NEO1: variants seen among roughly 807,000 people sequenced by gnomAD.
The protein encoded by NEO1 is neogenin.
A neutral mutation model predicts 159.7 loss-of-function variants in NEO1; 63 were observed. The observed-to-expected ratio is 0.39, with a 90% CI of 0.32 to 0.49. The LOEUF is 0.49. NEO1 is among the 20% of genes least tolerant of loss of function. The probability of loss-of-function intolerance (pLI) is 0.85; values close to 1 mark genes in which losing one functional copy is unlikely to be tolerated. For missense variants in NEO1, 1,615 were observed against 1,831.0 expected (o/e 0.88, Z 2.15); for synonymous variants, 633 against 662.0 (o/e 0.96, Z 0.67).
intron 23 of NEO1, among the ~76,000 whole-genome samples, chr15:73,285,646 G>C (rs922196078): frequency 2.0e-5 from 3 of 152,250 alleles, no homozygotes; most frequent in African/African-American, 7.2e-5. Context: ...TTAGATGGTA[G>C]CTGTTTACAG....
chr15:73,066,189 C>T (rs2068210324), intron 1 of NEO1, among the ~76,000 whole-genome samples: 2 of 151,032 alleles, frequency 1.3e-5, no homozygotes, highest in South Asian at 4.2e-4. Flanking sequence ...GGCTAATTTT[C>T]TTATTTTTTG....
At chr15:73,068,938 A>G (rs892467198) in intron 1 of NEO1, among the ~76,000 whole-genome samples, 4 of 147,096 alleles carry the variant, frequency 2.7e-5, no homozygotes, top group African/African-American at 1.0e-4. Context: ...CTGATGTAAA[A>G]CCTTTGATAG....
chr15:73,277,640 C>T (rs2041479609), intron 21 of NEO1, among the ~76,000 whole-genome samples: 1 of 152,150 alleles, frequency 6.6e-6, no homozygotes, highest in South Asian at 2.1e-4. Flanking sequence ...TTCAGAAGGA[C>T]AACTTTGTAA....
intron 9 of NEO1, 94 bp downstream of exon 9, chr15:73,244,592 G>T: frequency 7.4e-7 from 1 of 1,348,970 alleles, no homozygotes; most frequent in Non-Finnish European, 1.0e-6. Context: ...GGGAGCAGAA[G>T]ATAACAGTTC....
intron 2 of NEO1, among the ~76,000 whole-genome samples, chr15:73,119,405 A>G (rs1302128119): frequency 1.3e-5 from 2 of 152,208 alleles, no homozygotes; most frequent in East Asian, 1.9e-4. Flanking sequence ...AGAACATTAA[A>G]TAGGTAACTC....
rs372786439 is a variant in NEO1, at chr15:73,259,660, T to C, written c.2204-611T>C. ...TGAGCCACCATACCTGGCCTCAGTT[T>C]ACTAATTTTTAAATTAAGGTAGTAA... On this transcript the variant is annotated intron_variant, in intron 14 of 28. Coordinates refer to ENST00000261908, the MANE Select transcript of NEO1 (RefSeq NM_002499.4). Among the ~76,000 whole-genome samples the C allele has an allele frequency of 3.3e-5, 5 of 152,166 alleles. No homozygotes were observed. The East Asian group carries it at 5.8e-4, about 18-fold the overall frequency.
intron 26 of NEO1, 76 bp downstream of exon 26, chr15:73,293,624 C>A: frequency 6.8e-7 from 1 of 1,466,538 alleles, no homozygotes; most frequent in South Asian, 1.3e-5. Flanking sequence ...AGGACTTGCC[C>A]TACTTAGAAG....
Position 73,117,491 on chromosome 15 carries a change from T to TCCTGAGATACTAGCG in NEO1, c.448+634_448+635insCCTGAGATACTAGCG, listed in dbSNP as rs2071391918. ...AGATACTAGCGTTCCTGAGATAGTG[T>TCCTGAGATACTAGCG]TTCTTTACTTGAGTACCAGATGAAA... On this transcript the variant is annotated intron_variant, in intron 2 of 28. Coordinates refer to ENST00000261908, the MANE Select transcript of NEO1 (RefSeq NM_002499.4). Among the ~76,000 whole-genome samples the TCCTGAGATACTAGCG allele has an allele frequency of 2.6e-5, 4 of 152,340 alleles. No individual in the cohort carries two copies. In the South Asian group the frequency reaches 8.3e-4, roughly 32 times the overall value.
chr15:73,094,322 A>T (rs2069876874), intron 1 of NEO1, among the ~76,000 whole-genome samples: 1 of 152,086 alleles, frequency 6.6e-6, no homozygotes, highest in Non-Finnish European at 1.5e-5. Flanking sequence ...ATAATATGTG[A>T]TCTTTTGTGC....
At chr15:73,256,499 C>CA (rs1281874599) in intron 13 of NEO1, among the ~76,000 whole-genome samples, 1 of 151,902 alleles carries the variant, frequency 6.6e-6, no homozygotes. Flanking sequence ...GACTCTGTCT[C>CA]AAAAAAAGTA....
chr15:73,090,457 A>G (rs552758118), intron 1 of NEO1, among the ~76,000 whole-genome samples: 6 of 152,208 alleles, frequency 3.9e-5, no homozygotes, highest in African/African-American at 7.2e-5. Context: ...GATTCATACT[A>G]ATTTGTTAAT....
At chr15:73,276,473 GA>G (rs1237594814) in intron 21 of NEO1, among the ~76,000 whole-genome samples, 1 of 152,174 alleles carries the variant, frequency 6.6e-6, no homozygotes, top group African/African-American at 2.4e-5. Flanking sequence ...GGAACAACTG[GA>G]CTCTTAATCT....
intron 2 of NEO1, among the ~76,000 whole-genome samples, chr15:73,119,211 G>A (rs536339629): frequency 6.6e-6 from 1 of 152,218 alleles, no homozygotes; most frequent in Admixed American, 6.5e-5. Flanking sequence ...ACACAACTTT[G>A]TTCATATACT....
In NEO1 at chr15:73,301,469, G is replaced by A; in HGVS notation, c.4302+12G>A. ...AAGACTCCGAGAGTGTAAGTTCGTG[G>A]GGCCATCAGTCCAGCCAGATTGCCT... On this transcript the variant is annotated intron_variant, in intron 28 of 28. Transcript: ENST00000261908. 1 of 1,614,138 alleles carries A rather than the reference G, an allele frequency of 6.2e-7. No homozygotes were observed. Among genetic ancestry groups the A allele is most frequent in the Non-Finnish European group, 8.5e-7 (1 of 1,180,002 alleles).
At chr15:73,168,750 A>G (rs998794045) in intron 5 of NEO1, among the ~76,000 whole-genome samples, 1 of 151,086 alleles carries the variant, frequency 6.6e-6, no homozygotes, top group Non-Finnish European at 1.5e-5. Context: ...AAGAAATGTC[A>G]GAGGATTCAA....
Position 73,136,045 on chromosome 15 carries a change from G to A in NEO1, c.1015+18G>A, listed in dbSNP as rs1382994500. 8 of 1,572,302 alleles carry A rather than the reference G, an allele frequency of 5.1e-6. No individual in the cohort carries two copies. Among genetic ancestry groups the A allele is most frequent in the South Asian group, 2.4e-5 (2 of 83,314 alleles). On this transcript the variant is annotated intron_variant, in intron 5 of 28. Transcript: ENST00000261908. The stretch of plus-strand genomic sequence containing the variant: ...AGTGCAAGGTATGTAAATATTTACT[G>A]TATAATTTAAAAATCCTGTGTACTT...
chr15:73,227,790 A>G (rs1438486806), intron 7 of NEO1, among the ~76,000 whole-genome samples: 1 of 152,236 alleles, frequency 6.6e-6, no homozygotes, highest in Non-Finnish European at 1.5e-5. Flanking sequence ...CAAAGGTATA[A>G]AAGCTGTAAA....
chr15:73,086,682 T>C (rs2069378067), intron 1 of NEO1, among the ~76,000 whole-genome samples: 1 of 67,028 alleles, frequency 1.5e-5, no homozygotes, highest in African/African-American at 7.7e-5. Flanking sequence ...GTTTCTAGAT[T>C]TCTTTTTTTT....
At chr15:73,184,792 G>C (rs2035824035) in intron 7 of NEO1, among the ~76,000 whole-genome samples, 1 of 152,134 alleles carries the variant, frequency 6.6e-6, no homozygotes, top group African/African-American at 2.4e-5. Flanking sequence ...GCTGGGCGTA[G>C]TGGTGCATGC....
Sources: allele counts gnomAD v4.1 joint callset (sites outside exome capture counted in the v4.1 genomes callset), GRCh38; gene constraint gnomAD v4.1.1; transcripts MANE v1.5; gene names NCBI Gene and HGNC (gene_info 2026-07-23, HGNC 2026-07-21).